Variants in FANCD2 observed in about 807,000 individuals in gnomAD.
The protein encoded by FANCD2 is Fanconi anemia group D2 protein.
FANCD2 carries 131 observed loss-of-function variants against 192.3 expected under a neutral mutation model. The ratio of observed to expected loss-of-function variants is 0.68; its 90% CI spans 0.59 to 0.79. The LOEUF is 0.79. Ranked by LOEUF, FANCD2 falls within the 30% of genes least tolerant of loss-of-function variation. The pLI, the probability that FANCD2 is intolerant of heterozygous loss-of-function variation, is 0.00. For missense variants in FANCD2, 1,508 were observed against 1,701.6 expected (o/e 0.89, Z 2.00); for synonymous variants, 524 against 612.5 (o/e 0.86, Z 2.13).
chr3:10,030,528 A>C (rs2086566151), intron 2 of FANCD2, among the ~76,000 whole-genome samples: 1 of 152,218 alleles, frequency 6.6e-6, no homozygotes, highest in South Asian at 2.1e-4. Flanking sequence ...GAAATAGATG[A>C]AAATGCTTGC....
In FANCD2 at chr3:10,026,842, C is replaced by T. The variant is rs55965714; in HGVS notation, c.-34+369C>T. On this transcript the variant is annotated intron_variant, in intron 1 of 43. Transcript: ENST00000675286. ...TGCAAGATGGCTGATAATGGTTATC[C>T]GTATTAACCGAAGCGGCGATAAATA... 1.7e-3 allele frequency among the ~76,000 whole-genome samples: 258 copies of T among 152,168 alleles called. 4 individuals are homozygous for T. The highest frequency in any genetic ancestry group is 0.011 in the South Asian group (51 of 4,814).
At chr3:10,045,135 A>C (rs753099736) in intron 14 of FANCD2, among the ~76,000 whole-genome samples, 58 of 142,434 alleles carry the variant, frequency 4.1e-4, no homozygotes, top group Non-Finnish European at 7.7e-4. Flanking sequence ...CCCTGAATAC[A>C]CGCCCAATGT....
In FANCD2 at chr3:10,046,342, T is replaced by C. The variant is rs560458083; in HGVS notation, c.1135-238T>C. The C allele has an allele frequency of 2.6e-4, 135 of 511,360 alleles. 1 individual carries two copies. Among genetic ancestry groups the C allele is most frequent in the East Asian group, 9.2e-4 (21 of 22,708 alleles). The allele number at this position is 511,360 out of a possible 1,614,324, so 31.7% of individuals were successfully genotyped here. A position where few individuals can be genotyped will look rare whatever the true frequency, so the allele number is the denominator to read the frequency against. On this transcript the variant is annotated intron_variant, in intron 14 of 43. Coordinates refer to ENST00000675286, the MANE Select transcript of FANCD2 (RefSeq NM_001018115.3). ...TGCTGGGATTACAGATGTGAGCCAC[T>C]GTGCCTGGCCTGCTCTGTATTCTTA...
chr3:10,088,727 T>C, intron 35 of FANCD2, 101 bp from the exon 36 acceptor site: 1 of 1,318,800 alleles, frequency 7.6e-7, no homozygotes, highest in Non-Finnish European at 1.1e-6. Flanking sequence ...TACTGTTAGC[T>C]AACTGCTTAT....
intron 8 of FANCD2, 124 bp from the exon 9 acceptor site, chr3:10,039,597 C>A: frequency 1.8e-6 from 2 of 1,107,248 alleles, no homozygotes; most frequent in Non-Finnish European, 2.6e-6. Flanking sequence ...GATTCTTTTT[C>A]AAAGTACAGA....
intron 20 of FANCD2, among the ~76,000 whole-genome samples, chr3:10,062,701 T>C (rs10212542): frequency 0.031 from 4,678 of 152,126 alleles, 247 homozygotes; most frequent in African/African-American, 0.11. Flanking sequence ...TGGGTAGCAT[T>C]TATTTTTATG....
chr3:10,051,169 A>T (rs2087192733), intron 17 of FANCD2, among the ~76,000 whole-genome samples: 1 of 151,146 alleles, frequency 6.6e-6, no homozygotes, highest in African/African-American at 2.4e-5. Context: ...TCACGAGGTC[A>T]GGAGATCGAG....
intron 25 of FANCD2, 126 bp from the exon 26 acceptor site, chr3:10,067,083 G>C (rs1396255815): frequency 2.9e-5 from 21 of 720,908 alleles, no homozygotes; most frequent in Non-Finnish European, 5.2e-5. Context: ...GTTGAGGACA[G>C]TTCTATTACA....
In FANCD2 at chr3:10,081,179, T is replaced by C. The variant is rs1693814551; in HGVS notation, c.3056T>C (p.Leu1019Pro). 1.9e-6 allele frequency: 3 copies of C among 1,614,204 alleles called. No individual in the cohort carries two copies. Among genetic ancestry groups the C allele is most frequent in the Non-Finnish European group, 1.7e-6 (2 of 1,180,028 alleles). ...AQEIVHCVFQ[L>P]LTPMCNHLEN... ...GAAATTGTTCATTGTGTTTTTCAAC[T>C]GCTGACCCCAATGTGTAACCACCTG... Residue 1019 changes from leucine to proline, a missense_variant, in exon 31 of 44, where the codon CTG becomes CCG. Leu to Pro is a moderately conservative substitution (Grantham distance 98). Coordinates refer to ENST00000675286, the MANE Select transcript of FANCD2 (RefSeq NM_001018115.3).
Position 10,042,650 on chromosome 3 carries a change from T to G in FANCD2, c.875T>G (p.Met292Arg), listed in dbSNP as rs2086894384. The G allele has an allele frequency of 1.9e-6, 3 of 1,613,400 alleles. No individual in the cohort carries two copies. In the East Asian group the frequency reaches 6.7e-5, roughly 36 times the overall value. The change falls in exon 11 of 44, where the codon ATG becomes AGG. Residue 292 changes from methionine to arginine, a missense_variant. Met to Arg is a moderately conservative substitution (Grantham distance 91, BLOSUM62 -1). Transcript: ENST00000675286. ...IKFILHSVTA[M>R]DTLEVISELR... The stretch of plus-strand genomic sequence containing the variant: ...TTCATTCTTCATTCCGTAACAGCCA[T>G]GGATACACTTGAGGTATGCTCTTAT...
chr3:10,041,692 C>T lies in FANCD2; in HGVS notation c.765C>T (p.Asp255=), dbSNP rs2086867663. Residue 255 remains aspartate, a synonymous_variant, in exon 10 of 44, where the codon GAC becomes GAT. Transcript: ENST00000675286. ...ATGTCCTTTCAAGCCTCCGACTTGA[C>T]CCAAACTTCCTATTGAAGGTAGAAA... ...ILDVLSSLRL[D]PNFLLKVRQL... is the part of the protein sequence containing the mutation. 1 of 1,613,392 alleles carries T rather than the reference C, an allele frequency of 6.2e-7. No individual in the cohort carries two copies. Among genetic ancestry groups the T allele is most frequent in the Non-Finnish European group, 8.5e-7 (1 of 1,179,390 alleles).
Position 10,041,969 on chromosome 3 carries a change from G to C in FANCD2, c.783+259G>C, listed in dbSNP as rs367569596. Reference sequence around the variant, plus strand: ...GCTGGAGTGCAGTGGTGCAATCTCCGCTAACTGCAACCTCTACCTACCAAG... The same window carrying C: ...GCTGGAGTGCAGTGGTGCAATCTCCCCTAACTGCAACCTCTACCTACCAAG... On this transcript the variant is annotated intron_variant, in intron 10 of 43. Coordinates refer to ENST00000675286, the MANE Select transcript of FANCD2 (RefSeq NM_001018115.3). Among the ~76,000 whole-genome samples, 6 of 149,816 alleles carry C rather than the reference G, an allele frequency of 4.0e-5. No individual in the cohort carries two copies. The South Asian group carries it at 1.3e-3, about 31-fold the overall frequency.
At chr3:10,072,358 A>T (rs1443508808) in intron 26 of FANCD2, among the ~76,000 whole-genome samples, 1 of 147,788 alleles carries the variant, frequency 6.8e-6, no homozygotes, top group Admixed American at 6.8e-5. Context: ...TGCTTACTAC[A>T]ACCTCTGCCT....
intron 37 of FANCD2, among the ~76,000 whole-genome samples, chr3:10,091,007 C>T (rs962639436): frequency 6.6e-6 from 1 of 151,842 alleles, no homozygotes; most frequent in African/African-American, 2.4e-5. Flanking sequence ...GCCTGCTAAC[C>T]AGAACGGAGC....
At chr3:10,048,143 G>A (rs1246927063) in intron 16 of FANCD2, 92 bp downstream of exon 16, 18 of 1,568,234 alleles carry the variant, frequency 1.1e-5, no homozygotes, top group Non-Finnish European at 1.3e-5. Flanking sequence ...TCACTGAAGG[G>A]GAAGGAACTC....
At chr3:10,077,439 C>T (rs938028733) in intron 29 of FANCD2, among the ~76,000 whole-genome samples, 1 of 152,026 alleles carries the variant, frequency 6.6e-6, no homozygotes, top group African/African-American at 2.4e-5. Flanking sequence ...CCTGTAATGC[C>T]AGCTACTTGG....
chr3:10,061,250 C>T (rs1435871208), intron 19 of FANCD2, among the ~76,000 whole-genome samples: 1 of 152,224 alleles, frequency 6.6e-6, no homozygotes, highest in East Asian at 1.9e-4. Flanking sequence ...CTGCCCAGTG[C>T]TTTCTTGCAA....
intron 6 of FANCD2, 45 bp downstream of exon 6, chr3:10,035,278 G>C (rs1361799868): frequency 2.0e-6 from 3 of 1,524,890 alleles, no homozygotes. Flanking sequence ...GAAGAGGTTT[G>C]TGGTGTATGC....
At chr3:10,042,805 T>C in intron 11 of FANCD2, 142 bp downstream of exon 11, 1 of 811,338 alleles carries the variant, frequency 1.2e-6, no homozygotes, top group Non-Finnish European at 2.1e-6. Flanking sequence ...GATTCATTGA[T>C]CTATATAAGC....
Sources: gnomAD v4.1 joint callset for allele counts (sites outside exome capture counted in the v4.1 genomes callset) on GRCh38, gnomAD v4.1.1 for gene constraint, MANE v1.5 for transcripts, NCBI Gene and HGNC (gene_info 2026-07-23, HGNC 2026-07-21) for gene names.